ANKIB1: variants seen among roughly 807,000 people sequenced by gnomAD.
ANKIB1 encodes ankyrin repeat and IBR domain-containing protein 1.
A neutral mutation model predicts 122.1 loss-of-function variants in ANKIB1; 43 were observed. That is an observed-to-expected ratio of 0.35 (90% CI 0.28 to 0.45). The LOEUF (loss-of-function observed/expected upper bound fraction) is 0.45, where lower values mean the gene tolerates loss of function less well. ANKIB1 is among the 20% of genes least tolerant of loss of function. ANKIB1 has a pLI of 1.00. For synonymous variants in ANKIB1, 390 were observed against 442.0 expected (o/e 0.88, Z 1.48); for missense variants, 992 against 1,329.5 (o/e 0.75, Z 3.95).
intron 3 of ANKIB1, among the ~76,000 whole-genome samples, chr7:92,318,201 T>C (rs547981820): frequency 6.6e-6 from 1 of 152,314 alleles, no homozygotes; most frequent in African/African-American, 2.4e-5. Context: ...TATATTATTA[T>C]GAGTATGACT....
chr7:92,397,570 G>A (rs1336596488), intron 18 of ANKIB1, among the ~76,000 whole-genome samples, 153 bp from the exon 19 acceptor site: 1 of 148,806 alleles, frequency 6.7e-6, no homozygotes, highest in Non-Finnish European at 1.5e-5. Context: ...AAATATGGAT[G>A]AGAAATCCCA....
chr7:92,371,635 C>A, intron 11 of ANKIB1, 28 bp downstream of exon 11: 2 of 1,578,514 alleles, frequency 1.3e-6, no homozygotes, highest in Non-Finnish European at 1.7e-6. Context: ...ATTTTGCATG[C>A]TTTGCATTTG....
intron 15 of ANKIB1, 114 bp downstream of exon 15, chr7:92,390,230 C>G: frequency 1.3e-6 from 1 of 791,574 alleles, no homozygotes; most frequent in East Asian, 3.2e-5. Flanking sequence ...AAACAATTTT[C>G]TTTTCATTTT....
At chr7:92,328,756 T>G (rs921920307) in intron 5 of ANKIB1, among the ~76,000 whole-genome samples, 1 of 151,886 alleles carries the variant, frequency 6.6e-6, no homozygotes, top group African/African-American at 2.4e-5. Context: ...TAAATCTTTA[T>G]GATCTATACT....
intron 3 of ANKIB1, among the ~76,000 whole-genome samples, chr7:92,311,567 A>G (rs1321307149): frequency 6.6e-6 from 1 of 152,090 alleles, no homozygotes; most frequent in Non-Finnish European, 1.5e-5. Context: ...TCTCTCTGGT[A>G]TATTTATTTA....
intron 11 of ANKIB1, among the ~76,000 whole-genome samples, chr7:92,372,884 G>A (rs868628602): frequency 1.1e-4 from 16 of 152,060 alleles, no homozygotes; most frequent in Middle Eastern, 3.4e-3. Flanking sequence ...TGAGAGGAAA[G>A]TGTATTTTTT....
At position 92,307,295 on chromosome 7, in the gene ANKIB1, A is replaced by T; in HGVS notation, c.189-64A>T. On this transcript the variant is annotated intron_variant, in intron 2 of 19. Coordinates refer to ENST00000265742, the MANE Select transcript of ANKIB1 (RefSeq NM_019004.2). The stretch of plus-strand genomic sequence containing the variant: ...TTATCTTTTAAAAGTGTTATCTTCA[A>T]TGTATTTCAAGGTAGAAAATAAGTG... The T allele has an allele frequency of 2.1e-6, 3 of 1,438,346 alleles. No homozygotes were observed. In the Admixed American group the frequency reaches 7.0e-5, roughly 33 times the overall value. 89.1% of individuals were successfully genotyped at this position (1,438,346 alleles called of 1,614,324 possible). A position where few individuals can be genotyped will look rare whatever the true frequency, so the allele number is the denominator to read the frequency against.
At chr7:92,296,490 G>C (rs965194864) in intron 2 of ANKIB1, among the ~76,000 whole-genome samples, 1 of 152,020 alleles carries the variant, frequency 6.6e-6, no homozygotes. Context: ...CTCCCAAAGG[G>C]TCTTTTTTAT....
chr7:92,266,502 A>G (rs1050994580), intron 1 of ANKIB1, among the ~76,000 whole-genome samples: 9 of 152,148 alleles, frequency 5.9e-5, no homozygotes, highest in Admixed American at 2.0e-4. Flanking sequence ...TGAGATTCAG[A>G]GATCACTGGG....
At chr7:92,297,082 A>C (rs147903581) in intron 2 of ANKIB1, among the ~76,000 whole-genome samples, 3 of 152,230 alleles carry the variant, frequency 2.0e-5, no homozygotes, top group African/African-American at 7.2e-5. Flanking sequence ...CTTACTGTTT[A>C]ATAGAGCTAT....
At chr7:92,385,264 C>A (rs184480227) in intron 11 of ANKIB1, among the ~76,000 whole-genome samples, 2 of 152,140 alleles carry the variant, frequency 1.3e-5, no homozygotes, top group African/African-American at 4.8e-5. Flanking sequence ...AAAATAGGAA[C>A]GCTTTTACAC....
intron 9 of ANKIB1, among the ~76,000 whole-genome samples, 155 bp from the exon 10 acceptor site, chr7:92,362,030 C>T (rs894486253): frequency 6.1e-4 from 93 of 152,210 alleles, no homozygotes; most frequent in African/African-American, 1.0e-3. Flanking sequence ...AGGCTGGTCT[C>T]GAACTCCTGA....
At chr7:92,266,819 A>G (rs1801680872) in intron 1 of ANKIB1, among the ~76,000 whole-genome samples, 1 of 152,214 alleles carries the variant, frequency 6.6e-6, no homozygotes, top group African/African-American at 2.4e-5. Context: ...ACTGAGAGAA[A>G]CAGAGCAAAA....
At chr7:92,271,955 T>G (rs948375483) in intron 1 of ANKIB1, among the ~76,000 whole-genome samples, 2 of 152,028 alleles carry the variant, frequency 1.3e-5, no homozygotes, top group African/African-American at 4.8e-5. Flanking sequence ...ATTAGAAAAG[T>G]GAATTTTAAA....
At chr7:92,332,985 A>G (rs1460122086) in intron 5 of ANKIB1, among the ~76,000 whole-genome samples, 1 of 152,184 alleles carries the variant, frequency 6.6e-6, no homozygotes, top group African/African-American at 2.4e-5. Flanking sequence ...TGGCAGCACC[A>G]GCCAACCAAC....
intron 7 of ANKIB1, among the ~76,000 whole-genome samples, chr7:92,348,895 A>C (rs1282782064): frequency 1.3e-5 from 2 of 152,238 alleles, no homozygotes; most frequent in African/African-American, 4.8e-5. Context: ...TGAATTCTTT[A>C]ATAAGTTGGG....
At chr7:92,262,822 A>C (rs1415051384) in intron 1 of ANKIB1, among the ~76,000 whole-genome samples, 1 of 152,158 alleles carries the variant, frequency 6.6e-6, no homozygotes, top group Non-Finnish European at 1.5e-5. Context: ...TAGGCAAGTT[A>C]ATTAGTGATC....
intron 5 of ANKIB1, among the ~76,000 whole-genome samples, chr7:92,330,046 A>T (rs57505071): frequency 0.023 from 3,475 of 152,208 alleles, 115 homozygotes; most frequent in African/African-American, 0.078. Context: ...CATAATCTTT[A>T]CCTAGACTGT....
intron 1 of ANKIB1, among the ~76,000 whole-genome samples, chr7:92,287,853 G>A (rs1323512493): frequency 1.3e-5 from 2 of 151,814 alleles, no homozygotes; most frequent in Non-Finnish European, 2.9e-5. Flanking sequence ...GGCTAACATG[G>A]TGAAACCCCA....
Sources: gnomAD v4.1 joint callset for allele counts (sites outside exome capture counted in the v4.1 genomes callset) on GRCh38, gnomAD v4.1.1 for gene constraint, MANE v1.5 for transcripts, NCBI Gene and HGNC (gene_info 2026-07-23, HGNC 2026-07-21) for gene names.